Variants in SCN2A observed in about 807,000 individuals in gnomAD.
SCN2A encodes sodium channel protein type 2 subunit alpha.
SCN2A carries 20 observed loss-of-function variants against 188.7 expected under a neutral mutation model. The observed-to-expected ratio is 0.11, with a 90% CI of 0.07 to 0.15. The LOEUF (loss-of-function observed/expected upper bound fraction) is 0.15, where lower values mean the gene tolerates loss of function less well. SCN2A is among the 10% of genes least tolerant of loss of function. The pLI is 1.00. For synonymous variants in SCN2A, 804 were observed against 833.1 expected (o/e 0.97, Z 0.60); for missense variants, 1,278 against 2,445.0 (o/e 0.52, Z 10.07).
intron 3 of SCN2A, among the ~76,000 whole-genome samples, chr2:165,298,492 T>G (rs1477503392): frequency 6.6e-6 from 1 of 152,228 alleles, no homozygotes; most frequent in African/African-American, 2.4e-5. Flanking sequence ...TAGGTGGATA[T>G]CAACATCTTT....
chr2:165,344,104 T>C (rs554901097), intron 15 of SCN2A, among the ~76,000 whole-genome samples: 1 of 152,304 alleles, frequency 6.6e-6, no homozygotes, highest in African/African-American at 2.4e-5. Context: ...ATCTGAAATA[T>C]CTTAATTCCT....
chr2:165,291,571 TCC>T (rs1553563651), intron 1 of SCN2A, among the ~76,000 whole-genome samples: 50 of 75,064 alleles, frequency 6.7e-4, no homozygotes, highest in South Asian at 1.4e-3. Context: ...CTTCCTTCCT[TCC>T]TTTCTCTCTC....
At chr2:165,380,981 T>C in intron 24 of SCN2A, 112 bp from the exon 25 acceptor site, 1 of 767,880 alleles carries the variant, frequency 1.3e-6, no homozygotes, top group South Asian at 1.6e-5. Context: ...TAAATACAGA[T>C]ATTAGTAACA....
Position 165,296,043 on chromosome 2 carries a change from G to A in SCN2A, c.220G>A (p.Val74Met), listed in dbSNP as rs1553564231. The change falls in exon 2 of 27, where the codon GTG (valine) becomes ATG (methionine). Residue 74 changes from valine to methionine, a missense_variant. By Grantham distance (21) the Val-to-Met change is conservative (BLOSUM62 1). Around this residue, in one of 17 missense-constraint regions of SCN2A, gnomAD observed 141 missense variants for 185.4 expected, o/e 0.76. Coordinates refer to ENST00000375437, the MANE Select transcript of SCN2A (RefSeq NM_001040142.2). Reference protein sequence around the residue: ...FIYGDIPPEMVSVPLEDLDPY... With the variant: ...FIYGDIPPEMMSVPLEDLDPY... ...TTATGGAGACATTCCTCCAGAGATG[G>A]TGTCAGTGCCCCTGGAGGATCTGGA... 6.2e-7 allele frequency: 1 copy of A among 1,614,098 alleles called. No individual in the cohort carries two copies. Among genetic ancestry groups the A allele is most frequent in the Non-Finnish European group, 8.5e-7 (1 of 1,180,022 alleles).
intron 17 of SCN2A, among the ~76,000 whole-genome samples, chr2:165,360,341 A>G (rs982716283): frequency 1.3e-5 from 2 of 151,966 alleles, no homozygotes; most frequent in African/African-American, 4.8e-5. Flanking sequence ...ATTCATATTT[A>G]GTAGTATTAT....
At position 165,323,334 on chromosome 2, in the gene SCN2A, A is replaced by C. The variant is rs1283908964; in HGVS notation, c.1850A>C (p.His617Pro). The C allele has an allele frequency of 6.2e-7, 1 of 1,614,194 alleles. No individual in the cohort carries two copies. Among genetic ancestry groups the C allele is most frequent in the African/African-American group, 1.3e-5 (1 of 75,060 alleles). ...RRDSLFVPHRHGERRHSNVSQ... is the reference protein window; with the variant it reads ...RRDSLFVPHRPGERRHSNVSQ... ...GACTCTCTGTTCGTGCCGCACAGAC[A>C]TGGAGAACGGCGCCACAGCAATGTC... The change falls in exon 12 of 27, where the codon CAT (histidine) becomes CCT (proline). Residue 617 changes from histidine to proline, a missense_variant. Around this residue, in one of 17 missense-constraint regions of SCN2A, gnomAD observed 315 missense variants for 386.6 expected, o/e 0.81. Coordinates refer to ENST00000375437, the MANE Select transcript of SCN2A (RefSeq NM_001040142.2).
intron 1 of SCN2A, among the ~76,000 whole-genome samples, chr2:165,287,516 T>G (rs1357102947): frequency 1.4e-5 from 2 of 146,790 alleles, no homozygotes; most frequent in African/African-American, 2.6e-5. Flanking sequence ...GTTCAGGTGT[T>G]TTTTTTTTTT....
At chr2:165,305,220 CAG>C (rs1346038549) in intron 3 of SCN2A, among the ~76,000 whole-genome samples, 1 of 152,108 alleles carries the variant, frequency 6.6e-6, no homozygotes, top group Non-Finnish European at 1.5e-5. Flanking sequence ...TTATAAGACA[CAG>C]AGACGTCAAA....
chr2:165,323,533 G>C (rs1282969189), intron 12 of SCN2A, 33 bp downstream of exon 12: 1 of 1,571,148 alleles, frequency 6.4e-7, no homozygotes, highest in African/African-American at 1.4e-5. Flanking sequence ...CTGATGTGAA[G>C]AGAGTTGTGA....
intron 1 of SCN2A, among the ~76,000 whole-genome samples, chr2:165,261,029 C>T (rs934548757): frequency 6.6e-6 from 1 of 151,392 alleles, no homozygotes; most frequent in Admixed American, 6.6e-5. Flanking sequence ...GCACATCCTC[C>T]CATATACTTT....
intron 14 of SCN2A, among the ~76,000 whole-genome samples, chr2:165,336,357 T>C (rs1278980332): frequency 1.3e-5 from 2 of 151,948 alleles, no homozygotes; most frequent in African/African-American, 4.8e-5. Context: ...TATCACTTGA[T>C]GAATGGATAA....
chr2:165,244,936 T>G (rs954254151), intron 1 of SCN2A, among the ~76,000 whole-genome samples: 3 of 151,636 alleles, frequency 2.0e-5, no homozygotes, highest in African/African-American at 7.3e-5. Flanking sequence ...ACAGTTCTCT[T>G]AAGCATATAT....
At chr2:165,371,725 T>A (rs955610172) in intron 20 of SCN2A, 4 of 152,106 alleles carry the variant, frequency 2.6e-5, no homozygotes, top group African/African-American at 9.7e-5. Context: ...TCCAAGGAAA[T>A]TTGGACTTAT....
intron 16 of SCN2A, 147 bp downstream of exon 16, chr2:165,345,058 T>A (rs1574642796): frequency 9.8e-7 from 1 of 1,019,594 alleles, no homozygotes; most frequent in African/African-American, 1.6e-5. Context: ...CATGTATAGT[T>A]TAGACCATTG....
chr2:165,259,931 ATTTTTTTTTTT>A lies in SCN2A; in HGVS notation c.-52+20306_-52+20316del, dbSNP rs140137535. 6.7e-5 allele frequency among the ~76,000 whole-genome samples: 6 copies of A among 89,470 alleles called. No homozygotes were observed. In the South Asian group the frequency reaches 2.4e-3, roughly 36 times the overall value. The allele number at this position is 89,470 out of a possible 152,430, so 58.7% of individuals were successfully genotyped here. Reference sequence around the variant, plus strand: ...ATGGCACCTGTAGCCCTAAAAATGGATTTTTTTTTTTTTTTTTTTTTTTTTGAGACGGAGTC... The same window carrying A: ...ATGGCACCTGTAGCCCTAAAAATGGATTTTTTTTTTTTTTGAGACGGAGTC... On this transcript the variant is annotated intron_variant, in intron 1 of 26. Transcript: ENST00000375437.
chr2:165,306,508 G>GTA (rs1319263470), intron 3 of SCN2A, among the ~76,000 whole-genome samples: 192 of 1,252 alleles, frequency 0.15, no homozygotes, highest in Admixed American at 0.23. Flanking sequence ...GGTATTTTGT[G>GTA]TGTGTGTGTG....
chr2:165,244,504 TGAA>T (rs1693759738), intron 1 of SCN2A, among the ~76,000 whole-genome samples: 1 of 151,932 alleles, frequency 6.6e-6, no homozygotes, highest in African/African-American at 2.4e-5. Flanking sequence ...ATAATAATAA[TGAA>T]AAAATCTTAT....
intron 16 of SCN2A, among the ~76,000 whole-genome samples, chr2:165,345,642 G>A (rs192990903): frequency 2.6e-4 from 40 of 151,756 alleles, no homozygotes; most frequent in Non-Finnish European, 4.9e-4. Context: ...ACAGCACACC[G>A]ATGGGTCTTG....
intron 8 of SCN2A, among the ~76,000 whole-genome samples, chr2:165,313,270 T>A (rs1272358204): frequency 6.6e-6 from 1 of 152,138 alleles, no homozygotes; most frequent in African/African-American, 2.4e-5. Context: ...TACACACATT[T>A]CTGCCTCAAG....
Sources: allele counts gnomAD v4.1 joint callset (sites outside exome capture counted in the v4.1 genomes callset), GRCh38; gene constraint gnomAD v4.1.1; regional missense constraint gnomAD v4.1.1; transcripts MANE v1.5; gene names NCBI Gene and HGNC (gene_info 2026-07-23, HGNC 2026-07-21).